Variants in IMMP2L observed in about 807,000 individuals in gnomAD.
The protein encoded by IMMP2L is inner mitochondrial membrane peptidase subunit 2.
Under a neutral mutation model 19.3 loss-of-function variants are expected in IMMP2L, and 18 were observed. That is an observed-to-expected ratio of 0.93 (90% CI 0.64 to 1.38). The LOEUF (loss-of-function observed/expected upper bound fraction) is 1.38, where lower values mean the gene tolerates loss of function less well. IMMP2L is among the 40% of genes most tolerant of loss of function. The pLI is 0.00. For synonymous variants in IMMP2L, 76 were observed against 73.0 expected, an observed-to-expected ratio of 1.04 and a Z score of -0.21; for missense variants, 233 against 218.2, an observed-to-expected ratio of 1.07 and a Z score of -0.43.
chr7:111,463,272 T>G lies in IMMP2L; in HGVS notation c.239+23966A>C, dbSNP rs545952390. 2.4e-4 allele frequency among the ~76,000 whole-genome samples: 36 copies of G among 152,234 alleles called. No homozygotes were observed. The East Asian group carries it at 2.9e-3, about 12-fold the overall frequency. On this transcript the variant is annotated intron_variant, in intron 3 of 5. Coordinates refer to ENST00000405709, the MANE Select transcript of IMMP2L (RefSeq NM_032549.4). ...CATACAAATGACACCTCATTTTAACTTGATTACTTCTGTAAAGACCCAGAT... is the reference window on the plus strand; with the variant it reads ...CATACAAATGACACCTCATTTTAACGTGATTACTTCTGTAAAGACCCAGAT...
At chr7:111,170,608 A>G (rs1467130585) in intron 3 of IMMP2L, among the ~76,000 whole-genome samples, 1 of 151,822 alleles carries the variant, frequency 6.6e-6, no homozygotes, top group Non-Finnish European at 1.5e-5. Context: ...TTAGCCCTAG[A>G]AAAGATAATC....
intron 3 of IMMP2L, among the ~76,000 whole-genome samples, chr7:111,400,719 G>A (rs761226155): frequency 2.0e-5 from 3 of 151,976 alleles, no homozygotes; most frequent in Non-Finnish European, 2.9e-5. Flanking sequence ...TTAGGTGTGA[G>A]GTTAAAAAGG....
intron 3 of IMMP2L, among the ~76,000 whole-genome samples, chr7:111,104,552 A>T (rs2129580965): frequency 6.6e-6 from 1 of 151,800 alleles, no homozygotes; most frequent in South Asian, 2.1e-4. Flanking sequence ...ACTACTTAGT[A>T]TGGTTGCCAG....
intron 4 of IMMP2L, among the ~76,000 whole-genome samples, chr7:110,931,026 T>G (rs1431770109): frequency 6.6e-6 from 1 of 152,182 alleles, no homozygotes; most frequent in Non-Finnish European, 1.5e-5. Context: ...TGTAAAATTG[T>G]AATTTTTCTG....
chr7:111,469,881 A>G (rs1841059787), intron 3 of IMMP2L, among the ~76,000 whole-genome samples: 2 of 152,110 alleles, frequency 1.3e-5, no homozygotes, highest in African/African-American at 2.4e-5. Flanking sequence ...AATGGGATCT[A>G]ATTAAACTAA....
At chr7:111,493,658 T>C (rs1445925670) in intron 2 of IMMP2L, among the ~76,000 whole-genome samples, 99 of 120,292 alleles carry the variant, frequency 8.2e-4, no homozygotes, top group East Asian at 2.9e-3. Context: ...TGAGCGGAGA[T>C]CGCGCCACTG....
At chr7:111,087,456 G>GAA (rs76131476) in intron 3 of IMMP2L, among the ~76,000 whole-genome samples, 32 of 77,930 alleles carry the variant, frequency 4.1e-4, no homozygotes, top group Non-Finnish European at 8.4e-4. Context: ...CTTAAAAAAA[G>GAA]AAAAAAAAAA....
intron 3 of IMMP2L, chr7:111,394,726 T>A (rs1252407117): frequency 6.5e-6 from 1 of 153,708 alleles, no homozygotes; most frequent in Non-Finnish European, 1.5e-5. Flanking sequence ...AACCTAGGAA[T>A]CTCATTGGAA....
intron 2 of IMMP2L, among the ~76,000 whole-genome samples, chr7:111,499,564 A>C (rs539561245): frequency 6.6e-6 from 1 of 152,278 alleles, no homozygotes; most frequent in East Asian, 1.9e-4. Context: ...TGTTCCCCAA[A>C]CACCAAACAT....
intron 3 of IMMP2L, among the ~76,000 whole-genome samples, chr7:111,267,485 C>T (rs974617771): frequency 6.6e-6 from 1 of 152,168 alleles, no homozygotes; most frequent in Non-Finnish European, 1.5e-5. Context: ...TTGCTAGGAG[C>T]GCTAGTCTCC....
intron 5 of IMMP2L, among the ~76,000 whole-genome samples, chr7:110,716,637 C>T (rs2130740555): frequency 6.6e-6 from 1 of 152,260 alleles, no homozygotes; most frequent in African/African-American, 2.4e-5. Context: ...CCTAATCTCT[C>T]TTGTCTTGTA....
chr7:111,053,844 A>G (rs1793237522), intron 3 of IMMP2L, among the ~76,000 whole-genome samples: 1 of 152,216 alleles, frequency 6.6e-6, no homozygotes, highest in Non-Finnish European at 1.5e-5. Context: ...AAGGAACTAT[A>G]TCAGATTACA....
chr7:111,000,620 G>T (rs1451360911), intron 3 of IMMP2L, among the ~76,000 whole-genome samples: 1 of 152,196 alleles, frequency 6.6e-6, no homozygotes, highest in African/African-American at 2.4e-5. Context: ...AAGGCAGGCA[G>T]ATCATTTGAG....
intron 3 of IMMP2L, among the ~76,000 whole-genome samples, chr7:111,440,475 A>G (rs2131780691): frequency 6.6e-6 from 1 of 152,026 alleles, no homozygotes; most frequent in Middle Eastern, 3.4e-3. Context: ...ATGAGCAGTA[A>G]TATTTTGGAA....
chr7:111,525,446 G>A (rs1846749500), intron 1 of IMMP2L, among the ~76,000 whole-genome samples: 1 of 152,116 alleles, frequency 6.6e-6, no homozygotes, highest in Admixed American at 6.6e-5. Flanking sequence ...TTCTAAAATT[G>A]AGGTGAATGA....
At chr7:111,547,185 A>T (rs1328785379) in intron 1 of IMMP2L, among the ~76,000 whole-genome samples, 1 of 152,228 alleles carries the variant, frequency 6.6e-6, no homozygotes, top group Non-Finnish European at 1.5e-5. Context: ...GTTGAAACTG[A>T]TTCAAATATC....
In IMMP2L at chr7:110,886,626, A is replaced by G. The variant is rs528048244; in HGVS notation, c.375T>C (p.His125=). ...RGHIWVEGDH[H]GHSFDSNSFG... Reference sequence around the variant, plus strand: ...AAGAATTACTGTCAAAACTGTGTCCATGATGATCACCTTCAACCCAGATGT... The same window carrying G: ...AAGAATTACTGTCAAAACTGTGTCCGTGATGATCACCTTCAACCCAGATGT... The change falls in exon 5 of 6, where the codon CAT becomes CAC. Residue 125 remains histidine, a synonymous_variant. Transcript: ENST00000405709. 7 of 1,607,780 alleles carry G rather than the reference A, an allele frequency of 4.4e-6. No individual in the cohort carries two copies. In the East Asian group the frequency reaches 1.6e-4, roughly 36 times the overall value.
intron 3 of IMMP2L, among the ~76,000 whole-genome samples, chr7:111,030,431 T>G (rs2129568637): frequency 6.6e-6 from 1 of 152,270 alleles, no homozygotes; most frequent in Non-Finnish European, 1.5e-5. Flanking sequence ...TATACTTAGT[T>G]TTATTATTAT....
chr7:111,387,493 C>A (rs904801882), intron 3 of IMMP2L, among the ~76,000 whole-genome samples: 4 of 151,974 alleles, frequency 2.6e-5, no homozygotes, highest in African/African-American at 9.7e-5. Context: ...TATCAAGCTG[C>A]CAAAAAATAA....
Sources: allele counts gnomAD v4.1 joint callset (sites outside exome capture counted in the v4.1 genomes callset), GRCh38; gene constraint gnomAD v4.1.1; transcripts MANE v1.5; gene names NCBI Gene and HGNC (gene_info 2026-07-23, HGNC 2026-07-21).